The following PAPPA2 variants were observed in gnomAD, a reference collection of about 807,000 sequenced individuals.
The protein encoded by PAPPA2 is pappalysin-2.
In PAPPA2, 86 loss-of-function variants were observed where a neutral mutation model predicts 176.4. That is an observed-to-expected ratio of 0.49 (90% confidence interval 0.41 to 0.58). The LOEUF (loss-of-function observed/expected upper bound fraction) is 0.58, where lower values mean the gene tolerates loss of function less well. Ranked by LOEUF, PAPPA2 falls within the 20% of genes least tolerant of loss-of-function variation. The pLI, the probability that PAPPA2 is intolerant of heterozygous loss-of-function variation, is 0.00. For missense variants in PAPPA2, 2,073 were observed against 2,256.9 expected, an observed-to-expected ratio of 0.92 and a Z score of 1.65; for synonymous variants, 809 against 852.2, an observed-to-expected ratio of 0.95 and a Z score of 0.88.
chr1:176,715,720 T>C (rs942611399), intron 12 of PAPPA2, among the ~76,000 whole-genome samples: 2 of 152,144 alleles, frequency 1.3e-5, no homozygotes, highest in Non-Finnish European at 2.9e-5. Context: ...GCAATGACGT[T>C]GATTCTGGCA....
intron 3 of PAPPA2, among the ~76,000 whole-genome samples, chr1:176,604,218 T>C (rs780188497): frequency 1.3e-5 from 2 of 152,248 alleles, no homozygotes; most frequent in Non-Finnish European, 2.9e-5. Flanking sequence ...ACACATTGTC[T>C]TGGCTCTTTA....
chr1:176,535,490 G>A lies in PAPPA2; in HGVS notation c.-916-19917G>A, dbSNP rs113358812. 3.0e-3 allele frequency among the ~76,000 whole-genome samples: 459 copies of A among 152,328 alleles called. 2 individuals are homozygous for A. Among genetic ancestry groups the A allele is most frequent in the African/African-American group, 0.01 (426 of 41,568 alleles). ...ATAACAGAGACATAATACACAAATA[G>A]CTTGGGAAAAGGAGTGTGGTATCCT... On this transcript the variant is annotated intron_variant, in intron 1 of 22. Coordinates refer to ENST00000367662, the MANE Select transcript of PAPPA2 (RefSeq NM_020318.3).
chr1:176,570,729 G>A lies in PAPPA2; in HGVS notation c.919+13488G>A, dbSNP rs144943366. On this transcript the variant is annotated intron_variant, in intron 2 of 22. Coordinates refer to ENST00000367662, the MANE Select transcript of PAPPA2 (RefSeq NM_020318.3). ...GAGGTCAGGCAGGTGACAGCCAGGT[G>A]CCATGGCAGAGGAGGGGGCACAAGG... Among the ~76,000 whole-genome samples the A allele has an allele frequency of 8.2e-3, 1,236 of 150,632 alleles. 15 individuals are homozygous for A. Among genetic ancestry groups the A allele is most frequent in the African/African-American group, 0.026 (1,082 of 41,304 alleles).
chr1:176,692,157 C>T lies in PAPPA2; in HGVS notation c.2463C>T (p.Asn821=). Residue 821 remains asparagine, a synonymous_variant, in exon 6 of 23, where the codon AAC becomes AAT. Coordinates refer to ENST00000367662, the MANE Select transcript of PAPPA2 (RefSeq NM_020318.3). ...ACTGCACTGACAACTTCACTCCTAA[C>T]CAAGTGGCCCGAATGCATTGCTATT... is the stretch of plus-strand genomic sequence containing the variant. ...DDNCTDNFTP[N]QVARMHCYLD... is the part of the protein sequence containing the mutation. 2 of 1,613,934 alleles carry T rather than the reference C, an allele frequency of 1.2e-6. No homozygotes were observed. The highest frequency in any genetic ancestry group is 2.2e-5 in the South Asian group (2 of 91,030).
chr1:176,480,252 C>G (rs751993382), intron 1 of PAPPA2, among the ~76,000 whole-genome samples: 106 of 152,332 alleles, frequency 7.0e-4, no homozygotes, highest in Non-Finnish European at 1.4e-3. Context: ...CAAGAAGTCT[C>G]TATGCCTCCC....
intron 1 of PAPPA2, among the ~76,000 whole-genome samples, chr1:176,478,293 T>C (rs1441992366): frequency 6.6e-6 from 1 of 152,248 alleles, no homozygotes; most frequent in Non-Finnish European, 1.5e-5. Flanking sequence ...TAAAAATTAC[T>C]TGAATGTAAT....
At chr1:176,483,076 C>T (rs1652477082) in intron 1 of PAPPA2, among the ~76,000 whole-genome samples, 1 of 152,174 alleles carries the variant, frequency 6.6e-6, no homozygotes, top group African/African-American at 2.4e-5. Flanking sequence ...TCTCATTCCT[C>T]CTCGTACATG....
intron 3 of PAPPA2, among the ~76,000 whole-genome samples, chr1:176,618,179 C>T (rs1049927361): frequency 6.6e-6 from 1 of 152,180 alleles, no homozygotes; most frequent in Non-Finnish European, 1.5e-5. Flanking sequence ...AGTTTTTCCA[C>T]TTTGGAATGT....
At chr1:176,809,127 T>TTCTA (rs2102959791) in intron 21 of PAPPA2, among the ~76,000 whole-genome samples, 1 of 152,342 alleles carries the variant, frequency 6.6e-6, no homozygotes, top group African/African-American at 2.4e-5. Context: ...ACACATTTGC[T>TTCTA]TCTATCTCAA....
rs568415773 is a variant in PAPPA2 at position 176,670,262 on chromosome 1, T to G, written c.1992-708T>G. Among the ~76,000 whole-genome samples the G allele has an allele frequency of 5.3e-5, 8 of 152,332 alleles. No homozygotes were observed. In the South Asian group the frequency reaches 1.7e-3, roughly 32 times the overall value. On this transcript the variant is annotated intron_variant, in intron 3 of 22. Coordinates refer to ENST00000367662, the MANE Select transcript of PAPPA2 (RefSeq NM_020318.3). Reference sequence around the variant, plus strand: ...CAAGTCATGTGTTTTTAATAGACCTTTAATTCTGTGCATCAATGCAAACAT... The same window carrying G: ...CAAGTCATGTGTTTTTAATAGACCTGTAATTCTGTGCATCAATGCAAACAT...
chr1:176,676,923 T>G (rs187966799), intron 4 of PAPPA2, among the ~76,000 whole-genome samples: 5 of 152,244 alleles, frequency 3.3e-5, no homozygotes, highest in Admixed American at 1.3e-4. Context: ...GTCTCATGAA[T>G]CACTGACTTA....
chr1:176,493,183 A>C (rs952559243), intron 1 of PAPPA2, among the ~76,000 whole-genome samples: 3 of 152,208 alleles, frequency 2.0e-5, no homozygotes, highest in African/African-American at 7.2e-5. Flanking sequence ...TGTTCATGCC[A>C]TATCAAAACA....
chr1:176,484,744 G>C (rs1652572325), intron 1 of PAPPA2, among the ~76,000 whole-genome samples: 2 of 152,086 alleles, frequency 1.3e-5, no homozygotes, highest in Admixed American at 1.3e-4. Flanking sequence ...TTACCTGTCT[G>C]TTCTTGCATG....
intron 17 of PAPPA2, among the ~76,000 whole-genome samples, chr1:176,785,811 C>T (rs1025172815): frequency 2.6e-5 from 4 of 152,146 alleles, no homozygotes; most frequent in African/African-American, 4.8e-5. Flanking sequence ...TATATGAAAT[C>T]GGCATTCTTG....
intron 3 of PAPPA2, among the ~76,000 whole-genome samples, chr1:176,611,073 TGTTAACCCC>T (rs748659336): frequency 4.6e-5 from 7 of 152,222 alleles, no homozygotes; most frequent in Admixed American, 1.3e-4. Context: ...GCTCCCTCCA[TGTTAACCCC>T]AAATTAACCC....
intron 21 of PAPPA2, among the ~76,000 whole-genome samples, chr1:176,801,211 C>T (rs1665671345): frequency 1.3e-5 from 2 of 151,926 alleles, no homozygotes; most frequent in African/African-American, 4.8e-5. Flanking sequence ...ATCCATATCT[C>T]ACACTGGAAG....
intron 1 of PAPPA2, among the ~76,000 whole-genome samples, chr1:176,470,573 C>A (rs1651824432): frequency 6.6e-6 from 1 of 152,144 alleles, no homozygotes; most frequent in African/African-American, 2.4e-5. Flanking sequence ...CTGCATGGAA[C>A]ACTCCTAGAG....
rs1418540978 is a variant in PAPPA2, at chr1:176,702,539, T to C, written c.3237-68T>C. ...ATTTCCCTTCAACTTCTGTGAACCA[T>C]CAACAAAGGACCCAGGGCATGCCTC... On this transcript the variant is annotated intron_variant, in intron 8 of 22. Coordinates refer to ENST00000367662, the MANE Select transcript of PAPPA2 (RefSeq NM_020318.3). 2.5e-6 allele frequency: 4 copies of C among 1,586,170 alleles called. No homozygotes were observed. In the African/African-American group the frequency reaches 4.1e-5, roughly 16 times the overall value.
rs570081516 is a variant in PAPPA2, at chr1:176,695,812, G to A, written c.2699G>A (p.Arg900Gln). 19 of 1,614,078 alleles carry A rather than the reference G, an allele frequency of 1.2e-5. No individual in the cohort carries two copies. The highest frequency in any genetic ancestry group is 4.5e-5 in the East Asian group (2 of 44,862). The change falls in exon 7 of 23, where the codon CGG becomes CAG. Residue 900 changes from arginine to glutamine, a missense_variant. This residue lies in a region of PAPPA2 where 1,196 missense variants were observed against 1,330.4 expected (regional missense o/e 0.90). Transcript: ENST00000367662. ...FRQYVHTASS[R>Q]RVCDSSGYWT... is the part of the protein sequence containing the mutation. The stretch of plus-strand genomic sequence containing the variant: ...CAGTATGTGCACACAGCTTCCTCCC[G>A]GCGGGTGTGTGACTCCTCAGGTTAT...
Sources: gnomAD v4.1 joint callset for allele counts (sites outside exome capture counted in the v4.1 genomes callset) on GRCh38, gnomAD v4.1.1 for gene constraint, gnomAD v4.1.1 regional missense constraint, MANE v1.5 for transcripts, NCBI Gene and HGNC (gene_info 2026-07-23, HGNC 2026-07-21) for gene names.